GRIK5: variants seen among roughly 807,000 people sequenced by gnomAD.
GRIK5 encodes glutamate ionotropic receptor kainate type subunit 5, also known as glutamate receptor ionotropic, kainate 5.
In GRIK5, 43 loss-of-function variants were observed where a neutral mutation model predicts 97.4. The observed-to-expected ratio is 0.44, with a 90% confidence interval of 0.35 to 0.57. GRIK5 has a LOEUF of 0.57. Among genes scored for constraint, GRIK5 ranks in the 20% least tolerant of loss-of-function variants. The probability of loss-of-function intolerance (pLI) is 0.01; values close to 1 mark genes in which losing one functional copy is unlikely to be tolerated. For missense variants in GRIK5, 1,015 were observed against 1,382.0 expected (o/e 0.73, Z 4.21); for synonymous variants, 580 against 583.5 (o/e 0.99, Z 0.09).
At position 42,060,485 on chromosome 19, in the gene GRIK5, C is replaced by T. The variant is rs143477074; in HGVS notation, c.509-958G>A. Among the ~76,000 whole-genome samples the T allele has an allele frequency of 5.1e-3, 770 of 150,246 alleles. 4 individuals are homozygous for T. Among genetic ancestry groups the T allele is most frequent in the Non-Finnish European group, 7.5e-3 (504 of 67,590 alleles). On this transcript the variant is annotated intron_variant, in intron 5 of 19. Transcript: ENST00000593562. ...GTGCAACTTTAAATGAAATGGTGGG[C>T]GGGGGCCTCATTGAGACACTAGAGT...
intron 12 of GRIK5, among the ~76,000 whole-genome samples, chr19:42,037,217 T>C (rs2075916775): frequency 1.3e-5 from 2 of 152,204 alleles, no homozygotes; most frequent in Admixed American, 1.3e-4. Flanking sequence ...CCTAGCACTT[T>C]GGGAGGCCAA....
chr19:42,064,938 C>T (rs1250231263), intron 3 of GRIK5, among the ~76,000 whole-genome samples: 1 of 152,242 alleles, frequency 6.6e-6, no homozygotes. Flanking sequence ...TGTTATTAAG[C>T]TCTGGGGGCT....
chr19:42,055,889 G>A (rs1416407431), intron 8 of GRIK5, among the ~76,000 whole-genome samples: 1 of 152,096 alleles, frequency 6.6e-6, no homozygotes, highest in Non-Finnish European at 1.5e-5. Context: ...TGCCATGTTG[G>A]CCAGGCTGAT....
chr19:42,043,986 A>T (rs1229155293), intron 11 of GRIK5, among the ~76,000 whole-genome samples: 1 of 152,168 alleles, frequency 6.6e-6, no homozygotes, highest in Non-Finnish European at 1.5e-5. Context: ...TTGAATTGTA[A>T]TCCCCATAAT....
At chr19:42,011,739 A>T (rs1474285969) in intron 15 of GRIK5, among the ~76,000 whole-genome samples, 1 of 152,056 alleles carries the variant, frequency 6.6e-6, no homozygotes, top group Non-Finnish European at 1.5e-5. Context: ...TTGGGAGGCC[A>T]AGGTGGGCAA....
chr19:42,053,842 G>A lies in GRIK5; in HGVS notation c.1144C>T (p.Arg382Trp), dbSNP rs377096458. Residue 382 changes from arginine to tryptophan, a missense_variant, in exon 10 of 20, where the codon CGG becomes TGG. This residue lies in a region of GRIK5 where 477 missense variants were observed against 701.1 expected (regional missense o/e 0.68). Transcript: ENST00000593562. ...CTGCTCACCTCACGGTGGCCCTGCCGGGACTTTTCTAGGATGCGCAGGGTG... is the reference window on the plus strand; with the variant it reads ...CTGCTCACCTCACGGTGGCCCTGCCAGGACTTTTCTAGGATGCGCAGGGTG... ...NYTLRILEKSRQGHREIGVWY... is the reference protein window; with the variant it reads ...NYTLRILEKSWQGHREIGVWY... 1.8e-5 allele frequency: 29 copies of A among 1,613,090 alleles called. No individual in the cohort carries two copies. Among genetic ancestry groups the A allele is most frequent in the Non-Finnish European group, 2.5e-5 (29 of 1,179,162 alleles).
intron 12 of GRIK5, among the ~76,000 whole-genome samples, chr19:42,038,182 G>T (rs2075932256): frequency 6.6e-6 from 1 of 152,216 alleles, no homozygotes; most frequent in South Asian, 2.1e-4. Flanking sequence ...GAAGCCAGGA[G>T]GCCAGTAAGG....
At chr19:42,053,112 G>T (rs2076137618) in intron 11 of GRIK5, among the ~76,000 whole-genome samples, 1 of 152,160 alleles carries the variant, frequency 6.6e-6, no homozygotes, top group Non-Finnish European at 1.5e-5. Context: ...CTGGTGCTTG[G>T]GTACTGAGAG....
chr19:42,018,197 G>A (rs939513139), intron 15 of GRIK5, among the ~76,000 whole-genome samples: 16 of 147,106 alleles, frequency 1.1e-4, no homozygotes, highest in Non-Finnish European at 1.5e-4. Context: ...GGTGTTGGGC[G>A]CCTGTAGTCC....
intron 12 of GRIK5, among the ~76,000 whole-genome samples, chr19:42,024,881 G>T (rs189248587): frequency 6.6e-6 from 1 of 152,224 alleles, no homozygotes; most frequent in African/African-American, 2.4e-5. Context: ...CCACTCCCTG[G>T]ACACCACTTG....
In GRIK5 at chr19:41,998,765, C is replaced by T; in HGVS notation, c.*106G>A. 2.0e-6 allele frequency: 1 copy of T among 500,852 alleles called. No homozygotes were observed. The highest frequency in any genetic ancestry group is 2.7e-6 in the Non-Finnish European group (1 of 375,926). 31.0% of individuals were successfully genotyped at this position (500,852 alleles called of 1,614,324 possible). A position where few individuals can be genotyped will look rare whatever the true frequency, so the allele number is the denominator to read the frequency against. On this transcript the variant is annotated 3_prime_UTR_variant, in exon 20 of 20. Transcript: ENST00000593562. ...AAAATCGCGGCGTCCGGGGCGCCGG[C>T]GCACAAGTCCTGTCCCGCGCCCGCT...
chr19:42,066,347 T>A (rs1162630065), intron 1 of GRIK5, among the ~76,000 whole-genome samples: 1 of 151,716 alleles, frequency 6.6e-6, no homozygotes, highest in Non-Finnish European at 1.5e-5. Flanking sequence ...GGCCTGGACA[T>A]CCGAGGTCTG....
In GRIK5 at chr19:42,002,509, G is replaced by A; in HGVS notation, c.2514+823C>T. 1.4e-6 allele frequency: 1 copy of A among 711,824 alleles called. No individual in the cohort carries two copies. Among genetic ancestry groups the A allele is most frequent in the South Asian group, 1.5e-5 (1 of 66,970 alleles). The allele number at this position is 711,824 out of a possible 1,614,324, so 44.1% of individuals were successfully genotyped here. A position where few individuals can be genotyped will look rare whatever the true frequency, so the allele number is the denominator to read the frequency against. On this transcript the variant is annotated intron_variant, in intron 19 of 19. Transcript: ENST00000593562. This position sits in a 1 kb window ranked among gnomAD's most constrained non-coding sequence, Gnocchi z 5.2. ...CTTCAGAGGAGTCCTTGGGCCAAGT[G>A]CAGAACACTGGCAGGCAGCTGGATG...
chr19:42,016,782 T>C (rs1312250383), intron 15 of GRIK5, among the ~76,000 whole-genome samples: 1 of 152,158 alleles, frequency 6.6e-6, no homozygotes, highest in Non-Finnish European at 1.5e-5. Context: ...CAGTGGTCTC[T>C]GGCAGGGAGG....
At position 42,002,753 on chromosome 19, in the gene GRIK5, T is replaced by A. The variant is rs1439486474; in HGVS notation, c.2514+579A>T. 6.6e-6 allele frequency among the ~76,000 whole-genome samples: 1 copy of A among 152,060 alleles called. No homozygotes were observed. The highest frequency in any genetic ancestry group is 1.5e-5 in the Non-Finnish European group (1 of 67,978). On this transcript the variant is annotated intron_variant, in intron 19 of 19. Coordinates refer to ENST00000593562, the MANE Select transcript of GRIK5 (RefSeq NM_002088.5). This position sits in a 1 kb window ranked among gnomAD's most constrained non-coding sequence, Gnocchi z 5.2. ...AGTGTGGGACCAGTCCAGGGCTGTG[T>A]CCTCTTCTGGTTCCCTCTGTCACCC...
chr19:42,031,921 C>T (rs763292148), intron 12 of GRIK5, among the ~76,000 whole-genome samples: 2 of 152,014 alleles, frequency 1.3e-5, no homozygotes, highest in Admixed American at 6.6e-5. Context: ...CCACTTGAGC[C>T]CAGGGACTCA....
At chr19:42,018,504 C>T (rs1489007542) in intron 15 of GRIK5, among the ~76,000 whole-genome samples, 2 of 149,868 alleles carry the variant, frequency 1.3e-5, no homozygotes, top group Non-Finnish European at 3.0e-5. Context: ...ACTAAAAATA[C>T]AAAAATTAGT....
chr19:42,038,179 G>A (rs911408414), intron 12 of GRIK5, among the ~76,000 whole-genome samples: 1 of 152,238 alleles, frequency 6.6e-6, no homozygotes, highest in Admixed American at 6.5e-5. Context: ...CTAGAAGCCA[G>A]GAGGCCAGTA....
rs1006793815 is a variant in GRIK5 at position 42,033,317 on chromosome 19, CAAA to C, written c.1473+9232_1473+9234del. ...TGGGCGAGAAAGCAAGACTCCGTCT[CAAA>C]AAAAAAAAAAAAAAAAAAACGGAAT... On this transcript the variant is annotated intron_variant, in intron 12 of 19. Transcript: ENST00000593562. 1.7e-4 allele frequency among the ~76,000 whole-genome samples: 7 copies of C among 42,200 alleles called. No individual in the cohort carries two copies. The East Asian group carries it at 3.4e-3, about 21-fold the overall frequency. The allele number at this position is 42,200 out of a possible 152,430, so 27.7% of individuals were successfully genotyped here.
Sources: allele counts gnomAD v4.1 joint callset (sites outside exome capture counted in the v4.1 genomes callset), GRCh38; gene constraint gnomAD v4.1.1; regional missense constraint gnomAD v4.1.1; non-coding constraint Gnocchi (gnomAD v3.1); transcripts MANE v1.5; gene names NCBI Gene and HGNC (gene_info 2026-07-23, HGNC 2026-07-21).